FBN2: variants seen among roughly 807,000 people sequenced by gnomAD.
FBN2 encodes fibrillin 2, also known as fibrillin-2.
In FBN2, 105 loss-of-function variants were observed where a neutral mutation model predicts 355.6. The ratio of observed to expected loss-of-function variants is 0.30; its 90% confidence interval spans 0.25 to 0.35. The LOEUF is 0.35. Among genes scored for constraint, FBN2 ranks in the 10% least tolerant of loss-of-function variants. FBN2 has a pLI of 1.00. For synonymous variants in FBN2, 1,350 were observed against 1,301.2 expected, an observed-to-expected ratio of 1.04 and a Z score of -0.81; for missense variants, 3,280 against 3,758.7, an observed-to-expected ratio of 0.87 and a Z score of 3.33.
At chr5:128,419,472 A>G (rs1753288400) in intron 7 of FBN2, among the ~76,000 whole-genome samples, 1 of 152,096 alleles carries the variant, frequency 6.6e-6, no homozygotes, top group South Asian at 2.1e-4. Flanking sequence ...AAAGTTGAGT[A>G]CGTTCCTTTC....
intron 5 of FBN2, among the ~76,000 whole-genome samples, chr5:128,496,369 A>T (rs1053571231): frequency 2.0e-5 from 3 of 152,154 alleles, no homozygotes; most frequent in Non-Finnish European, 4.4e-5. Context: ...GAATTTGAGG[A>T]TATGTAAATC....
At chr5:128,263,984 G>C (rs1765051505) in intron 62 of FBN2, among the ~76,000 whole-genome samples, 1 of 152,062 alleles carries the variant, frequency 6.6e-6, no homozygotes, top group Admixed American at 6.5e-5. Context: ...TATATCTCGG[G>C]CAAATCCTTA....
At chr5:128,354,293 G>T (rs996729178) in intron 20 of FBN2, among the ~76,000 whole-genome samples, 1 of 152,148 alleles carries the variant, frequency 6.6e-6, no homozygotes, top group Non-Finnish European at 1.5e-5. Context: ...TGTGTCTGAC[G>T]CAGGAGCAGG....
At chr5:128,411,016 A>G (rs1753047936) in intron 7 of FBN2, among the ~76,000 whole-genome samples, 1 of 152,222 alleles carries the variant, frequency 6.6e-6, no homozygotes, top group South Asian at 2.1e-4. Flanking sequence ...ATTTTAATAC[A>G]GTGTTGCCCA....
At chr5:128,286,981 T>C (rs999405949) in intron 54 of FBN2, 132 bp from the exon 55 acceptor site, 27 of 909,050 alleles carry the variant, frequency 3.0e-5, no homozygotes, top group South Asian at 7.2e-5. Flanking sequence ...AGCCCAGCCA[T>C]TGTCAGCTGT....
intron 62 of FBN2, among the ~76,000 whole-genome samples, chr5:128,264,817 G>A (rs1001041556): frequency 6.6e-6 from 1 of 152,198 alleles, no homozygotes; most frequent in Non-Finnish European, 1.5e-5. Flanking sequence ...GGGGAAGCGA[G>A]GGATCTGCAG....
chr5:128,364,566 A>C, intron 18 of FBN2, 34 bp downstream of exon 18: 1 of 1,598,252 alleles, frequency 6.3e-7, no homozygotes, highest in Non-Finnish European at 8.6e-7. Flanking sequence ...AAACTATATG[A>C]AATGTTCTTG....
At chr5:128,293,746 G>C (rs1749403729) in intron 48 of FBN2, among the ~76,000 whole-genome samples, 2 of 152,040 alleles carry the variant, frequency 1.3e-5, no homozygotes, top group African/African-American at 4.8e-5. Context: ...TCCATAAAGA[G>C]AAGGATCACA....
intron 25 of FBN2, among the ~76,000 whole-genome samples, chr5:128,342,542 CTG>C (rs1397062071): frequency 6.6e-6 from 1 of 151,914 alleles, no homozygotes; most frequent in African/African-American, 2.4e-5. Context: ...TATTTTGAAC[CTG>C]TGTATAAGTT....
chr5:128,448,888 C>T (rs1253741628), intron 6 of FBN2, among the ~76,000 whole-genome samples: 1 of 152,010 alleles, frequency 6.6e-6, no homozygotes, highest in Non-Finnish European at 1.5e-5. Context: ...TTGAAATTAT[C>T]ATCCTATCCT....
intron 31 of FBN2, 146 bp downstream of exon 31, chr5:128,334,572 TC>T: frequency 1.1e-6 from 1 of 880,548 alleles, no homozygotes; most frequent in African/African-American, 1.6e-5. Flanking sequence ...CCATCACACA[TC>T]CTATAGGTCA....
chr5:128,442,462 TC>T, intron 7 of FBN2: 1 of 383,434 alleles, frequency 2.6e-6, no homozygotes, highest in Non-Finnish European at 5.1e-6. Flanking sequence ...TGATGTGTTC[TC>T]CTTCCCTTCT....
chr5:128,290,119 G>A (rs1354774376), intron 50 of FBN2, among the ~76,000 whole-genome samples, 172 bp from the exon 51 acceptor site: 1 of 152,072 alleles, frequency 6.6e-6, no homozygotes, highest in East Asian at 1.9e-4. Context: ...ATTTAGTGAG[G>A]GCCACCTTCT....
intron 36 of FBN2, among the ~76,000 whole-genome samples, chr5:128,317,845 T>G (rs1750251667): frequency 6.6e-6 from 1 of 152,180 alleles, no homozygotes; most frequent in Admixed American, 6.5e-5. Flanking sequence ...ACCACCACTC[T>G]GGGTTATCCT....
chr5:128,369,151 T>C lies in FBN2; in HGVS notation c.2248+31A>G. ...TCTAAGGTTGTATTTCTTGATTCTT[T>C]ATCAACTGTGAAAATGGCACATGTG... On this transcript the variant is annotated intron_variant, in intron 16 of 64. Coordinates refer to ENST00000262464, the MANE Select transcript of FBN2 (RefSeq NM_001999.4). 2.5e-6 allele frequency: 4 copies of C among 1,611,722 alleles called. No homozygotes were observed. The South Asian group carries it at 3.3e-5, about 13-fold the overall frequency.
rs750116860 is a variant in FBN2, at chr5:128,312,649, G to T, written c.4864C>A (p.Pro1622Thr). The change falls in exon 37 of 65, where the codon CCC becomes ACC. Residue 1622 changes from proline to threonine, a missense_variant. Coordinates refer to ENST00000262464, the MANE Select transcript of FBN2 (RefSeq NM_001999.4). The stretch of plus-strand genomic sequence containing the variant: ...TTGTACTTACTGCTATTGACAGGGG[G>T]GCATGTCTCACAGGGGTTTCCCCAG... ...KAWGNPCETC[P>T]PVNSTEYYTL... 4.3e-6 allele frequency: 7 copies of T among 1,613,808 alleles called. No individual in the cohort carries two copies. The highest frequency in any genetic ancestry group is 5.9e-6 in the Non-Finnish European group (7 of 1,180,004).
chr5:128,285,473 T>C (rs1010347914), intron 55 of FBN2, among the ~76,000 whole-genome samples: 3 of 152,216 alleles, frequency 2.0e-5, no homozygotes, highest in Non-Finnish European at 2.9e-5. Flanking sequence ...CCTGTATCTT[T>C]TGTAGTGCTG....
intron 51 of FBN2, 41 bp from the exon 52 acceptor site, chr5:128,289,293 G>A: frequency 5.0e-6 from 8 of 1,610,674 alleles, no homozygotes; most frequent in Non-Finnish European, 6.8e-6. Context: ...CATATAAAAA[G>A]ATATGCCGGC....
chr5:128,335,912 T>G, intron 28 of FBN2, 76 bp downstream of exon 28: 1 of 1,499,662 alleles, frequency 6.7e-7, no homozygotes, highest in South Asian at 1.2e-5. Flanking sequence ...ATAGCCTTCA[T>G]TATAATTCAG....
Sources: gnomAD v4.1 joint callset for allele counts (sites outside exome capture counted in the v4.1 genomes callset) on GRCh38, gnomAD v4.1.1 for gene constraint, MANE v1.5 for transcripts, NCBI Gene and HGNC (gene_info 2026-07-23, HGNC 2026-07-21) for gene names.